TRHDE: variants seen among roughly 807,000 people sequenced by gnomAD.
TRHDE encodes the protein thyrotropin-releasing hormone-degrading ectoenzyme.
TRHDE carries 72 observed loss-of-function variants against 125.7 expected under a neutral mutation model. That is an observed-to-expected ratio of 0.57 (90% CI 0.47 to 0.70). The LOEUF is 0.70. TRHDE is among the 30% of genes least tolerant of loss of function. TRHDE has a pLI of 0.00. For missense variants in TRHDE, 1,110 were observed against 1,327.1 expected (o/e 0.84, Z 2.54); for synonymous variants, 509 against 509.1 (o/e 1.00, Z 0.00).
At chr12:72,187,641 T>C (rs1298441603) in intron 2 of TRHDE, among the ~76,000 whole-genome samples, 2 of 152,160 alleles carry the variant, frequency 1.3e-5, no homozygotes, top group Non-Finnish European at 2.9e-5. Flanking sequence ...GCCCTTCCTC[T>C]ACCTATCTTC....
chr12:72,634,546 A>C (rs553412076), intron 15 of TRHDE, among the ~76,000 whole-genome samples: 3 of 152,062 alleles, frequency 2.0e-5, no homozygotes, highest in Admixed American at 6.6e-5. Flanking sequence ...ACATGTGCAC[A>C]ATGTGCACGT....
At chr12:72,452,109 G>T (rs189676978) in intron 3 of TRHDE, among the ~76,000 whole-genome samples, 8 of 152,038 alleles carry the variant, frequency 5.3e-5, no homozygotes, top group African/African-American at 1.4e-4. Flanking sequence ...GATTACAGGC[G>T]CGATTTCTGT....
intron 4 of TRHDE, among the ~76,000 whole-genome samples, chr12:72,470,863 C>CTTTTTTTTTTTT (rs768937293): frequency 1.5e-5 from 1 of 67,938 alleles, no homozygotes; most frequent in Non-Finnish European, 2.7e-5. Flanking sequence ...TAAATGTCAG[C>CTTTTTTTTTTTT]TTTTTTTTTT....
intron 17 of TRHDE, 39 bp downstream of exon 17, chr12:72,653,195 G>A: frequency 6.4e-7 from 1 of 1,569,620 alleles, no homozygotes; most frequent in Non-Finnish European, 8.7e-7. Flanking sequence ...GTAAATTAAA[G>A]CCGACATAGG....
At chr12:72,601,977 T>C (rs1872226808) in intron 12 of TRHDE, among the ~76,000 whole-genome samples, 1 of 152,162 alleles carries the variant, frequency 6.6e-6, no homozygotes, top group African/African-American at 2.4e-5. Context: ...CTGGTTGTGT[T>C]CTTAGGATTA....
chr12:72,269,615 G>T (rs776016859), upstream of TRHDE, among the ~76,000 whole-genome samples: 1 of 152,112 alleles, frequency 6.6e-6, no homozygotes, highest in Admixed American at 6.6e-5. Context: ...TGAGGGAAAG[G>T]GGAAAGATGA....
chr12:72,225,051 T>A (rs1473211010), intron 2 of TRHDE, among the ~76,000 whole-genome samples: 2 of 152,304 alleles, frequency 1.3e-5, no homozygotes, highest in Middle Eastern at 3.4e-3. Context: ...AACTTTCCTA[T>A]TCTTGAAGCA....
At chr12:72,210,184 A>ATCTG (rs1877748933) in intron 2 of TRHDE, among the ~76,000 whole-genome samples, 1 of 146,192 alleles carries the variant, frequency 6.8e-6, no homozygotes, top group African/African-American at 2.7e-5. Context: ...CTATCTATCT[A>ATCTG]TCTATCTATC....
Position 72,152,205 on chromosome 12 carries a change from A to G in TRHDE, n.279+46453A>G, listed in dbSNP as rs1365456677. On this transcript the variant is annotated intron_variant and non_coding_transcript_variant, in intron 2 of 4. Coordinates refer to the TRHDE transcript ENST00000548156. ...TGATTTGGCTCTCTGTTTGTCTGTT[A>G]TTGGTGTATAAGAATGCTTGTGATT... is the stretch of plus-strand genomic sequence containing the variant. Among the ~76,000 whole-genome samples the G allele has an allele frequency of 7.0e-3, 1,023 of 145,796 alleles. 11 individuals are homozygous for G. Among genetic ancestry groups the G allele is most frequent in the Middle Eastern group, 0.028 (8 of 286 alleles).
chr12:72,259,587 C>T (rs186869169), intron 2 of TRHDE, among the ~76,000 whole-genome samples: 1 of 152,300 alleles, frequency 6.6e-6, no homozygotes, highest in East Asian at 1.9e-4. Context: ...TGTTTATTTA[C>T]ATGTCATATA....
intron 2 of TRHDE, among the ~76,000 whole-genome samples, chr12:72,164,742 C>T (rs1876708725): frequency 6.6e-6 from 1 of 152,180 alleles, no homozygotes; most frequent in South Asian, 2.1e-4. Flanking sequence ...CTTAACAACA[C>T]TTTCCTCACT....
At chr12:72,151,701 G>T (rs2139321599) in intron 2 of TRHDE, among the ~76,000 whole-genome samples, 1 of 152,272 alleles carries the variant, frequency 6.6e-6, no homozygotes, top group Non-Finnish European at 1.5e-5. Context: ...AGATCAGATA[G>T]TTGTAGACAT....
At chr12:72,332,937 A>G (rs1869670296) in intron 2 of TRHDE, among the ~76,000 whole-genome samples, 1 of 152,270 alleles carries the variant, frequency 6.6e-6, no homozygotes, top group East Asian at 1.9e-4. Flanking sequence ...GCACTAGACC[A>G]TTCAGCTTTT....
At chr12:72,601,894 C>A (rs957763349) in intron 12 of TRHDE, among the ~76,000 whole-genome samples, 2 of 151,964 alleles carry the variant, frequency 1.3e-5, no homozygotes, top group African/African-American at 4.8e-5. Flanking sequence ...TGCTTTATTG[C>A]GGTATTCTGA....
chr12:72,507,820 A>AC (rs981120828), intron 6 of TRHDE, among the ~76,000 whole-genome samples: 2 of 152,186 alleles, frequency 1.3e-5, no homozygotes, highest in Non-Finnish European at 2.9e-5. Flanking sequence ...AGGCCTGGAG[A>AC]CCTAGGAGGG....
chr12:72,335,756 A>G (rs542542009), intron 2 of TRHDE, among the ~76,000 whole-genome samples: 1 of 152,316 alleles, frequency 6.6e-6, no homozygotes, highest in African/African-American at 2.4e-5. Context: ...ATGTTGATTT[A>G]TATCTCTGGT....
At chr12:72,174,715 T>G (rs1876950723) in intron 2 of TRHDE, among the ~76,000 whole-genome samples, 1 of 152,202 alleles carries the variant, frequency 6.6e-6, no homozygotes, top group South Asian at 2.1e-4. Flanking sequence ...TCTGTAAGAA[T>G]ACTACATAAA....
chr12:72,438,438 T>G (rs1416929271), intron 3 of TRHDE, among the ~76,000 whole-genome samples: 1 of 151,902 alleles, frequency 6.6e-6, no homozygotes, highest in African/African-American at 2.4e-5. Flanking sequence ...CACCAACACT[T>G]ATCTTTCAAC....
intron 2 of TRHDE, among the ~76,000 whole-genome samples, chr12:72,236,133 A>G (rs529060572): frequency 1.8e-4 from 28 of 152,304 alleles, no homozygotes; most frequent in South Asian, 1.7e-3. Context: ...ATCATTACGT[A>G]GCCTCATGGT....
Sources: gnomAD v4.1 joint callset for allele counts (sites outside exome capture counted in the v4.1 genomes callset) on GRCh38, gnomAD v4.1.1 for gene constraint, MANE v1.5 for transcripts, NCBI Gene and HGNC (gene_info 2026-07-23, HGNC 2026-07-21) for gene names.